The following NEK11 variants were observed in gnomAD, a reference collection of about 807,000 sequenced individuals.
The protein encoded by NEK11 is serine/threonine-protein kinase Nek11.
A neutral mutation model predicts 80.7 loss-of-function variants in NEK11; 72 were observed. The observed-to-expected ratio is 0.89, with a 90% confidence interval of 0.74 to 1.08. NEK11 has a LOEUF of 1.08. Ranked by LOEUF, NEK11 falls within the 50% of genes least tolerant of loss-of-function variation. The probability of loss-of-function intolerance (pLI) is 0.00; values close to 1 mark genes in which losing one functional copy is unlikely to be tolerated. For synonymous variants in NEK11, 251 were observed against 260.7 expected, an observed-to-expected ratio of 0.96 and a Z score of 0.36; for missense variants, 764 against 763.6, an observed-to-expected ratio of 1.00 and a Z score of -0.01.
At chr3:131,172,206 A>C (rs2092736213) in intron 14 of NEK11, among the ~76,000 whole-genome samples, 1 of 152,212 alleles carries the variant, frequency 6.6e-6, no homozygotes, top group Admixed American at 6.5e-5. Flanking sequence ...GAGAGAATGC[A>C]GAGATGGATT....
chr3:131,310,598 T>C (rs1228361421), intron 17 of NEK11, among the ~76,000 whole-genome samples: 2 of 152,224 alleles, frequency 1.3e-5, no homozygotes, highest in Non-Finnish European at 2.9e-5. Context: ...ATGACAGATA[T>C]ACTTTCAAAC....
chr3:131,212,436 G>C (rs1218178185), intron 14 of NEK11, among the ~76,000 whole-genome samples: 2 of 152,158 alleles, frequency 1.3e-5, no homozygotes, highest in Admixed American at 1.3e-4. Flanking sequence ...TAGGCTGCTC[G>C]GGGGTCAGGG....
chr3:131,342,076 C>A (rs1424095327), intron 17 of NEK11, among the ~76,000 whole-genome samples: 1 of 152,134 alleles, frequency 6.6e-6, no homozygotes, highest in Non-Finnish European at 1.5e-5. Flanking sequence ...CCAGAGTGAA[C>A]TGAGAAAGAG....
chr3:131,099,794 C>T (rs1303223570), intron 4 of NEK11, among the ~76,000 whole-genome samples: 1 of 152,132 alleles, frequency 6.6e-6, no homozygotes, highest in African/African-American at 2.4e-5. Context: ...TATAGAAATG[C>T]TATTGATTTT....
Position 131,273,586 on chromosome 3 carries a change from G to A in NEK11, c.1718+12G>A. 1.3e-6 allele frequency: 2 copies of A among 1,598,160 alleles called. No individual in the cohort carries two copies. The highest frequency in any genetic ancestry group is 1.7e-5 in the Admixed American group (1 of 59,954). ...AAACGCATGAGGGAGTAAGTAGCAT[G>A]TTGCCTGCCCCCTAGGAAGGTGCAG... On this transcript the variant is annotated intron_variant, in intron 17 of 17. Transcript: ENST00000383366.
At chr3:131,087,784 G>A (rs1239268671) in intron 4 of NEK11, among the ~76,000 whole-genome samples, 4 of 152,076 alleles carry the variant, frequency 2.6e-5, no homozygotes, top group African/African-American at 9.7e-5. Flanking sequence ...GTTCTCAGAG[G>A]GTCCTTGTAG....
At chr3:131,326,458 A>G (rs941396719) in intron 17 of NEK11, among the ~76,000 whole-genome samples, 1 of 152,090 alleles carries the variant, frequency 6.6e-6, no homozygotes, top group Non-Finnish European at 1.5e-5. Context: ...TCTTCTTCAG[A>G]GCTTATGAGA....
At position 131,273,613 on chromosome 3, in the gene NEK11, G is replaced by A. The variant is rs182626009; in HGVS notation, c.1718+39G>A. ...TGCCTGCCCCCTAGGAAGGTGCAGT[G>A]TTAAAGCATATTGACCAAGTGTGTG... On this transcript the variant is annotated intron_variant, in intron 17 of 17. Transcript: ENST00000383366. 136 of 1,466,304 alleles carry A rather than the reference G, an allele frequency of 9.3e-5. 1 individual carries two copies. In the African/African-American group the frequency reaches 1.8e-3, roughly 19 times the overall value. 90.8% of individuals were successfully genotyped at this position (1,466,304 alleles called of 1,614,324 possible).
At chr3:131,190,496 TC>T in intron 14 of NEK11, among the ~76,000 whole-genome samples, 1 of 152,206 alleles carries the variant, frequency 6.6e-6, no homozygotes, top group Middle Eastern at 3.4e-3. Context: ...CCCTTCTTGT[TC>T]CCTTCTGTTG....
At chr3:131,212,447 AC>A (rs34134042) in intron 14 of NEK11, among the ~76,000 whole-genome samples, 1 of 152,080 alleles carries the variant, frequency 6.6e-6, no homozygotes, top group South Asian at 2.1e-4. Context: ...GGGGTCAGGG[AC>A]CCACTTGAGG....
intron 17 of NEK11, among the ~76,000 whole-genome samples, chr3:131,279,874 G>A (rs1441137198): frequency 6.6e-6 from 1 of 152,150 alleles, no homozygotes; most frequent in Non-Finnish European, 1.5e-5. Flanking sequence ...CAGCGGTCCC[G>A]AAGGTTTCTG....
At chr3:131,208,562 A>C (rs1396508715) in intron 14 of NEK11, among the ~76,000 whole-genome samples, 12 of 152,088 alleles carry the variant, frequency 7.9e-5, no homozygotes, top group African/African-American at 2.7e-4. Flanking sequence ...GGCAGTATGG[A>C]CATTTTCACG....
intron 4 of NEK11, among the ~76,000 whole-genome samples, chr3:131,096,841 C>T (rs1197385779): frequency 6.7e-6 from 1 of 150,060 alleles, no homozygotes; most frequent in Non-Finnish European, 1.5e-5. Context: ...CCCATTAACT[C>T]GTCATTTAGC....
chr3:131,296,307 A>C (rs1163863578), intron 17 of NEK11, among the ~76,000 whole-genome samples: 1 of 152,166 alleles, frequency 6.6e-6, no homozygotes, highest in Non-Finnish European at 1.5e-5. Flanking sequence ...TGCACACATA[A>C]GCATACATCA....
At chr3:131,138,719 A>C (rs917572697) in intron 7 of NEK11, among the ~76,000 whole-genome samples, 7 of 152,184 alleles carry the variant, frequency 4.6e-5, no homozygotes, top group Admixed American at 3.9e-4. Flanking sequence ...GTAAGGGAAG[A>C]GAACAAGAGT....
chr3:131,279,292 G>C (rs2096356755), intron 17 of NEK11, among the ~76,000 whole-genome samples: 1 of 152,042 alleles, frequency 6.6e-6, no homozygotes, highest in Non-Finnish European at 1.5e-5. Flanking sequence ...AGGTTGCAGT[G>C]AGCTGAGATC....
intron 17 of NEK11, among the ~76,000 whole-genome samples, chr3:131,274,361 T>A (rs2096255285): frequency 6.9e-6 from 1 of 144,036 alleles, no homozygotes; most frequent in Admixed American, 6.9e-5. Context: ...TCTATCATTG[T>A]TGGACATTTG....
At chr3:131,241,300 G>GT (rs2095515266) in intron 15 of NEK11, among the ~76,000 whole-genome samples, 1 of 152,074 alleles carries the variant, frequency 6.6e-6, no homozygotes, top group South Asian at 2.1e-4. Flanking sequence ...AAACAAAGAT[G>GT]TATGTGTAAA....
At chr3:131,241,473 T>A (rs1322881091) in intron 15 of NEK11, among the ~76,000 whole-genome samples, 1 of 152,116 alleles carries the variant, frequency 6.6e-6, no homozygotes, top group South Asian at 2.1e-4. Context: ...GAAAAAAGTC[T>A]GAACAATATT....
Sources: gnomAD v4.1 joint callset for allele counts (sites outside exome capture counted in the v4.1 genomes callset) on GRCh38, gnomAD v4.1.1 for gene constraint, MANE v1.5 for transcripts, NCBI Gene and HGNC (gene_info 2026-07-23, HGNC 2026-07-21) for gene names.